The following FMO1 variants were observed in gnomAD, a reference collection of about 807,000 sequenced individuals.
FMO1 encodes flavin containing dimethylaniline monoxygenase 1.
FMO1 carries 36 observed loss-of-function variants against 45.4 expected under a neutral mutation model. The observed-to-expected ratio is 0.79, with a 90% CI of 0.61 to 1.05. The LOEUF is 1.05. Among genes scored for constraint, FMO1 ranks in the 50% least tolerant of loss-of-function variants. FMO1 has a pLI of 0.00. For synonymous variants in FMO1, 228 were observed against 227.2 expected, an observed-to-expected ratio of 1.00 and a Z score of -0.03; for missense variants, 615 against 640.3, an observed-to-expected ratio of 0.96 and a Z score of 0.43.
chr1:171,276,097 AT>A lies in FMO1; in HGVS notation c.484+593del, dbSNP rs551319859. Among the ~76,000 whole-genome samples the A allele has an allele frequency of 9.9e-4, 151 of 152,294 alleles. 1 individual carries two copies. Among genetic ancestry groups the A allele is most frequent in the Non-Finnish European group, 1.6e-3 (107 of 68,022 alleles). On this transcript the variant is annotated intron_variant, in intron 4 of 8. Transcript: ENST00000617670. ...TTAATCTATGCCAAATTTTAACTGG[AT>A]TTTAACTCAATGGAACAGAAAATGA...
intron 7 of FMO1, chr1:171,282,604 T>C (rs1215839869): frequency 3.2e-6 from 1 of 309,784 alleles, no homozygotes; most frequent in Non-Finnish European, 5.9e-6. Context: ...AACTGTGATA[T>C]TTTTTCTTTT....
chr1:171,256,387 A>G (rs895363217), intron 1 of FMO1, among the ~76,000 whole-genome samples: 5 of 152,152 alleles, frequency 3.3e-5, no homozygotes, highest in African/African-American at 4.8e-5. Context: ...TCATGATAGA[A>G]TAGGATTCTG....
chr1:171,255,213 G>T (rs771691847), intron 1 of FMO1, among the ~76,000 whole-genome samples: 1 of 152,144 alleles, frequency 6.6e-6, no homozygotes, highest in Non-Finnish European at 1.5e-5. Flanking sequence ...CAATTTTAGA[G>T]CTTGAAATGC....
chr1:171,282,509 C>A (rs201798539), intron 7 of FMO1, 176 bp downstream of exon 7: 3 of 523,126 alleles, frequency 5.7e-6, no homozygotes, highest in East Asian at 2.9e-5. Flanking sequence ...TCCATTACTG[C>A]ATAAATGGTA....
chr1:171,282,014 C>T lies in FMO1; in HGVS notation c.864C>T (p.Leu288=). Residue 288 remains leucine (L), a synonymous_variant, in exon 7 of 9, where the codon CTC becomes CTT. Transcript: ENST00000617670. ...QLKEFVLNDE[L]PGRIITGKVF... ...AAGAGTTTGTGCTAAATGATGAGCT[C>T]CCAGGACGCATCATCACTGGGAAAG... 6.2e-7 allele frequency: 1 copy of T among 1,612,370 alleles called. No individual in the cohort carries two copies. Among genetic ancestry groups the T allele is most frequent in the Non-Finnish European group, 8.5e-7 (1 of 1,179,436 alleles).
At chr1:171,262,159 G>C (rs1183199047) in intron 2 of FMO1, among the ~76,000 whole-genome samples, 2 of 152,352 alleles carry the variant, frequency 1.3e-5, no homozygotes, top group Non-Finnish European at 2.9e-5. Flanking sequence ...GGTCAGCCAG[G>C]CACAGTGGCT....
At chr1:171,261,343 A>ACACACACACACACACAC (rs59981493) in intron 2 of FMO1, among the ~76,000 whole-genome samples, 1 of 151,962 alleles carries the variant, frequency 6.6e-6, no homozygotes, top group African/African-American at 2.4e-5. Flanking sequence ...ACACACACAC[A>ACACACACACACACACAC]AAAGGTTAGA....
chr1:171,255,226 G>C (rs775182698), intron 1 of FMO1, among the ~76,000 whole-genome samples: 1 of 152,286 alleles, frequency 6.6e-6, no homozygotes, highest in East Asian at 1.9e-4. Flanking sequence ...TGAAATGCTG[G>C]AAGGTGCTAT....
chr1:171,262,840 G>T (rs1246353741), intron 2 of FMO1, among the ~76,000 whole-genome samples: 1 of 152,092 alleles, frequency 6.6e-6, no homozygotes. Flanking sequence ...GCTCTCCTGC[G>T]ATATAGACCC....
intron 2 of FMO1, among the ~76,000 whole-genome samples, chr1:171,265,733 A>G (rs551127553): frequency 1.3e-5 from 2 of 152,328 alleles, no homozygotes; most frequent in South Asian, 4.1e-4. Context: ...TTACTATTTA[A>G]GGTTTTTAAT....
chr1:171,257,695 G>GTAGA, intron 1 of FMO1: 1 of 252,564 alleles, frequency 4.0e-6, no homozygotes, highest in Non-Finnish European at 7.7e-6. Context: ...AAGAGATTGT[G>GTAGA]TCTGACAAGG....
chr1:171,265,900 T>C (rs971511134), intron 2 of FMO1, among the ~76,000 whole-genome samples: 1 of 152,208 alleles, frequency 6.6e-6, no homozygotes, highest in Non-Finnish European at 1.5e-5. Flanking sequence ...GGTATGTTGA[T>C]TGAAATGAGG....
intron 1 of FMO1, among the ~76,000 whole-genome samples, chr1:171,255,887 T>G (rs1034682783): frequency 6.6e-6 from 1 of 152,230 alleles, no homozygotes; most frequent in Non-Finnish European, 1.5e-5. Flanking sequence ...CAATATCATA[T>G]GTATATATGC....
intron 3 of FMO1, among the ~76,000 whole-genome samples, chr1:171,268,593 A>C (rs899125174): frequency 6.6e-6 from 1 of 152,112 alleles, no homozygotes; most frequent in Admixed American, 6.5e-5. Context: ...CAAATGAATA[A>C]TATATCCTTT....
intron 3 of FMO1, among the ~76,000 whole-genome samples, chr1:171,273,692 T>C (rs1016081275): frequency 5.9e-5 from 9 of 152,180 alleles, no homozygotes. Context: ...TTTTTTTTAA[T>C]TTTTAGTAGA....
intron 2 of FMO1, among the ~76,000 whole-genome samples, chr1:171,260,570 G>A (rs1053719468): frequency 6.6e-6 from 1 of 152,112 alleles, no homozygotes; most frequent in African/African-American, 2.4e-5. Context: ...ATTCTATCGA[G>A]AAAATATGGC....
At chr1:171,267,833 G>T in intron 3 of FMO1, 102 bp downstream of exon 3, 1 of 805,584 alleles carries the variant, frequency 1.2e-6, no homozygotes. Flanking sequence ...ATACTAAACT[G>T]GCAATATTAA....
chr1:171,270,310 T>C (rs1182380435), intron 3 of FMO1, among the ~76,000 whole-genome samples: 1 of 152,246 alleles, frequency 6.6e-6, no homozygotes, highest in Non-Finnish European at 1.5e-5. Context: ...CAGTTATGGA[T>C]GAAAACTATC....
chr1:171,255,114 AGGGC>A (rs1660094349), intron 1 of FMO1, among the ~76,000 whole-genome samples: 1 of 152,224 alleles, frequency 6.6e-6, no homozygotes, highest in Non-Finnish European at 1.5e-5. Context: ...AGAATGTTAT[AGGGC>A]ATTTCGTTTC....
Sources: allele counts gnomAD v4.1 joint callset (sites outside exome capture counted in the v4.1 genomes callset), GRCh38; gene constraint gnomAD v4.1.1; transcripts MANE v1.5; gene names NCBI Gene and HGNC (gene_info 2026-07-23, HGNC 2026-07-21).